The following COL8A1 variants were observed in gnomAD, a reference collection of about 807,000 sequenced individuals.
COL8A1 encodes collagen type VIII alpha 1 chain, also known as collagen alpha-1(VIII) chain.
Under a neutral mutation model 42.7 loss-of-function variants are expected in COL8A1, and 21 were observed. That is an observed-to-expected ratio of 0.49 (90% CI 0.35 to 0.71). The LOEUF (loss-of-function observed/expected upper bound fraction) is 0.71. COL8A1 is among the 30% of genes least tolerant of loss of function. The probability of loss-of-function intolerance (pLI) is 0.01; values close to 1 mark genes in which losing one functional copy is unlikely to be tolerated. For synonymous variants in COL8A1, 367 were observed against 369.1 expected (o/e 0.99, Z 0.06); for missense variants, 788 against 962.4 (o/e 0.82, Z 2.40).
At chr3:99,763,465 T>A (rs781422072) in intron 2 of COL8A1, among the ~76,000 whole-genome samples, 8 of 152,112 alleles carry the variant, frequency 5.3e-5, no homozygotes, top group African/African-American at 1.9e-4. Context: ...ACAATAATAA[T>A]AACAGTTAAT....
intron 2 of COL8A1, among the ~76,000 whole-genome samples, chr3:99,776,418 T>C (rs531536789): frequency 6.6e-6 from 1 of 152,302 alleles, no homozygotes; most frequent in Non-Finnish European, 1.5e-5. Context: ...GCTCCTAGCA[T>C]GGTAGTTCAA....
intron 1 of COL8A1, among the ~76,000 whole-genome samples, chr3:99,681,188 C>G (rs1938869430): frequency 6.6e-6 from 1 of 152,200 alleles, no homozygotes; most frequent in South Asian, 2.1e-4. Context: ...AAACTACCAT[C>G]AGAGTGAACA....
intron 2 of COL8A1, among the ~76,000 whole-genome samples, chr3:99,752,047 A>C (rs570100763): frequency 7.0e-4 from 107 of 152,300 alleles, no homozygotes; most frequent in Non-Finnish European, 1.3e-3. Flanking sequence ...AAATATGCTT[A>C]TAATAAAATT....
At chr3:99,683,704 T>G (rs1415228206) in intron 1 of COL8A1, among the ~76,000 whole-genome samples, 1 of 152,116 alleles carries the variant, frequency 6.6e-6, no homozygotes, top group South Asian at 2.1e-4. Flanking sequence ...TAATTCTAAA[T>G]GAACCCTCAG....
chr3:99,675,598 A>G (rs1487269257), intron 1 of COL8A1: 1 of 152,510 alleles, frequency 6.6e-6, no homozygotes, highest in Non-Finnish European at 1.5e-5. Flanking sequence ...GTCTGACACC[A>G]GGTATTTTTT....
chr3:99,701,923 TA>T lies in COL8A1; in HGVS notation c.-128-42973del, dbSNP rs1003191282. Among the ~76,000 whole-genome samples, 6 of 152,312 alleles carry T rather than the reference TA, an allele frequency of 3.9e-5. 1 individual carries two copies. Among genetic ancestry groups the T allele is most frequent in the Admixed American group, 2.6e-4 (4 of 15,296 alleles). On this transcript the variant is annotated intron_variant, in intron 1 of 3. Transcript: ENST00000652472. ...ACTTAATTAGAAAGTACTTTGATATTATTGGGACCCATTACTCTCCTCTACC... is the reference window on the plus strand; with the variant it reads ...ACTTAATTAGAAAGTACTTTGATATTTTGGGACCCATTACTCTCCTCTACC...
chr3:99,679,522 G>T (rs571248708), intron 1 of COL8A1: 1 of 152,156 alleles, frequency 6.6e-6, no homozygotes, highest in Non-Finnish European at 1.5e-5. Context: ...ACCAATAGTG[G>T]CCTATTGAAA....
rs773043396 is a variant in COL8A1 at position 99,795,915 on chromosome 3, G to A, written c.2014G>A (p.Gly672Ser). Residue 672 changes from glycine (G) to serine (S), a missense_variant, in exon 4 of 4, where the codon GGC (glycine) becomes AGC (serine). Physicochemically the swap from Gly to Ser is moderately conservative, Grantham distance 56. This residue lies in a region of COL8A1 where 212 missense variants were observed against 210.9 expected (regional missense o/e 1.00). Coordinates refer to ENST00000652472, the MANE Select transcript of COL8A1 (RefSeq NM_020351.4). ...TGCATACCACGTTCACTGCAAGGGG[G>A]GCAACGTGTGGGTTGCTCTATTCAA... ...YFAYHVHCKG[G>S]NVWVALFKNN... 1.7e-5 allele frequency: 27 copies of A among 1,614,164 alleles called. No individual in the cohort carries two copies. The highest frequency in any genetic ancestry group is 2.2e-5 in the Non-Finnish European group (26 of 1,180,022).
At chr3:99,727,222 A>G (rs1299407741) in intron 1 of COL8A1, among the ~76,000 whole-genome samples, 13 of 151,888 alleles carry the variant, frequency 8.6e-5, no homozygotes, top group African/African-American at 3.1e-4. Context: ...TTTGTCTGTT[A>G]TTGGTGTATA....
chr3:99,676,680 C>T (rs961723895), intron 1 of COL8A1, among the ~76,000 whole-genome samples: 3 of 151,906 alleles, frequency 2.0e-5, no homozygotes, highest in Non-Finnish European at 4.4e-5. Context: ...CACTGTTATT[C>T]AAATTATGCT....
At chr3:99,735,273 C>T (rs1357161762) in intron 1 of COL8A1, among the ~76,000 whole-genome samples, 58 of 133,412 alleles carry the variant, frequency 4.3e-4, no homozygotes, top group African/African-American at 1.7e-3. Flanking sequence ...TTCAGTATGA[C>T]ATTGGCTGTG....
At chr3:99,677,333 C>G (rs1048772082) in intron 1 of COL8A1, among the ~76,000 whole-genome samples, 9 of 152,044 alleles carry the variant, frequency 5.9e-5, no homozygotes, top group African/African-American at 2.2e-4. Flanking sequence ...TATTCTTGCT[C>G]TCATCTGTTA....
Position 99,741,990 on chromosome 3 carries a change from A to T in COL8A1, c.-128-2907A>T, listed in dbSNP as rs143057126. Among the ~76,000 whole-genome samples, 48 of 152,274 alleles carry T rather than the reference A, an allele frequency of 3.2e-4. No homozygotes were observed. The East Asian group carries it at 6.9e-3, about 22-fold the overall frequency. Reference sequence around the variant, plus strand: ...TTTGTTCATGATATTTTCACCTGCAACTGGTTTTTAAGTATTTATATATGC... The same window carrying T: ...TTTGTTCATGATATTTTCACCTGCATCTGGTTTTTAAGTATTTATATATGC... On this transcript the variant is annotated intron_variant, in intron 1 of 3. Transcript: ENST00000652472.
chr3:99,687,427 CGT>C (rs148281464), intron 1 of COL8A1, among the ~76,000 whole-genome samples: 1 of 151,906 alleles, frequency 6.6e-6, no homozygotes, highest in South Asian at 2.1e-4. Flanking sequence ...TATCTGTTCA[CGT>C]GTGTGTGTGT....
chr3:99,770,313 T>C (rs1941554155), intron 2 of COL8A1, among the ~76,000 whole-genome samples: 2 of 152,186 alleles, frequency 1.3e-5, no homozygotes, highest in African/African-American at 4.8e-5. Flanking sequence ...CGTGACCTTC[T>C]TGCTTCTGAG....
At chr3:99,736,695 G>A (rs1393245517) in intron 1 of COL8A1, among the ~76,000 whole-genome samples, 13 of 152,192 alleles carry the variant, frequency 8.5e-5, no homozygotes, top group African/African-American at 2.9e-4. Context: ...GTGCTGAAAA[G>A]AATGTATATT....
chr3:99,652,637 A>G (rs1160639855), intron 1 of COL8A1, among the ~76,000 whole-genome samples: 1 of 152,198 alleles, frequency 6.6e-6, no homozygotes, highest in Non-Finnish European at 1.5e-5. Flanking sequence ...ACTGACCTGC[A>G]AGGTTTGCTT....
At chr3:99,754,477 C>T (rs1252087350) in intron 2 of COL8A1, among the ~76,000 whole-genome samples, 4 of 151,400 alleles carry the variant, frequency 2.6e-5, no homozygotes, top group Non-Finnish European at 4.4e-5. Flanking sequence ...GAAGCCAGGA[C>T]AAGAGGTTTG....
chr3:99,711,840 C>T (rs754536673), intron 1 of COL8A1, among the ~76,000 whole-genome samples: 8 of 152,104 alleles, frequency 5.3e-5, no homozygotes, highest in Non-Finnish European at 1.0e-4. Context: ...TAGTCAGCAA[C>T]ATAGGGATAA....
Sources: gnomAD v4.1 joint callset for allele counts (sites outside exome capture counted in the v4.1 genomes callset) on GRCh38, gnomAD v4.1.1 for gene constraint, gnomAD v4.1.1 regional missense constraint, MANE v1.5 for transcripts, NCBI Gene and HGNC (gene_info 2026-07-23, HGNC 2026-07-21) for gene names.